Variants in LARS1 observed in about 807,000 individuals in gnomAD.
The protein encoded by LARS1 is leucyl-tRNA synthetase 1, also known as leucine--tRNA ligase, cytoplasmic.
In LARS1, 100 loss-of-function variants were observed where a neutral mutation model predicts 162.8. That is an observed-to-expected ratio of 0.61 (90% confidence interval 0.52 to 0.73). LARS1 has a LOEUF of 0.73. Ranked by LOEUF, LARS1 falls within the 30% of genes least tolerant of loss-of-function variation. The probability of loss-of-function intolerance (pLI) is 0.00; values close to 1 mark genes in which losing one functional copy is unlikely to be tolerated. For missense variants in LARS1, 1,258 were observed against 1,408.9 expected (o/e 0.89, Z 1.71); for synonymous variants, 457 against 462.8 (o/e 0.99, Z 0.16).
At chr5:146,122,724 T>C (rs1420770628) in intron 29 of LARS1, 137 bp from the exon 30 acceptor site, 1 of 434,184 alleles carries the variant, frequency 2.3e-6, no homozygotes, top group African/African-American at 2.0e-5. Context: ...TTATTTTCCA[T>C]ATAAATATTA....
At chr5:146,173,922 T>C (rs552854085) in intron 2 of LARS1, among the ~76,000 whole-genome samples, 30 of 152,114 alleles carry the variant, frequency 2.0e-4, no homozygotes, top group Non-Finnish European at 3.4e-4. Flanking sequence ...TATAGACTTC[T>C]GCAATTTGCC....
rs188224535 is a variant in LARS1 at position 146,168,158 on chromosome 5, T to A, written c.402A>T (p.Ile134=). The change falls in exon 5 of 32, where the codon ATA becomes ATT. Residue 134 remains isoleucine, a synonymous_variant. Transcript: ENST00000394434. ...TTCCTTTAGCTTTATCCTTAATTAT[T>A]ATATCTTCTGTTTTAACACTGGTTT... ...EEETSVKTED[I]IIKDKAKGKK... is the part of the protein sequence containing the mutation. 3 of 1,609,424 alleles carry A rather than the reference T, an allele frequency of 1.9e-6. No individual in the cohort carries two copies. Among genetic ancestry groups the A allele is most frequent in the African/African-American group, 2.7e-5 (2 of 74,906 alleles).
At chr5:146,171,660 A>G (rs756650225) in intron 4 of LARS1, among the ~76,000 whole-genome samples, 11 of 152,254 alleles carry the variant, frequency 7.2e-5, no homozygotes, top group South Asian at 2.1e-4. Context: ...ACTGTAATAC[A>G]GACATAAATA....
Position 146,130,050 on chromosome 5 carries a change from A to G in LARS1, c.2596T>C (p.Leu866=). ...TLLLAPFCPH[L]CEHIWTLLGK... Reference sequence around the variant, plus strand: ...AGGAGTGTCCAGATGTGCTCACACAAATGTGGACAGAATGGAGCGAGGAGA... The same window carrying G: ...AGGAGTGTCCAGATGTGCTCACACAGATGTGGACAGAATGGAGCGAGGAGA... Residue 866 remains leucine, a synonymous_variant, in exon 25 of 32, where the codon TTG becomes CTG. Transcript: ENST00000394434. The G allele has an allele frequency of 6.2e-7, 1 of 1,613,894 alleles. No individual in the cohort carries two copies. Among genetic ancestry groups the G allele is most frequent in the Non-Finnish European group, 8.5e-7 (1 of 1,179,854 alleles).
chr5:146,170,481 A>AG (rs1491558805), intron 4 of LARS1, among the ~76,000 whole-genome samples: 4 of 144,174 alleles, frequency 2.8e-5, no homozygotes, highest in Non-Finnish European at 6.2e-5. Flanking sequence ...AAAAAAAAAA[A>AG]GGGGGGAAAA....
In LARS1 at chr5:146,153,704, G is replaced by A. The variant is rs201945372; in HGVS notation, c.1230+30C>T. 2.4e-4 allele frequency: 374 copies of A among 1,577,302 alleles called. 2 individuals are homozygous for A. The highest frequency in any genetic ancestry group is 9.0e-5 in the East Asian group (4 of 44,578). On this transcript the variant is annotated intron_variant, in intron 12 of 31. Coordinates refer to ENST00000394434, the MANE Select transcript of LARS1 (RefSeq NM_020117.11). Reference sequence around the variant, plus strand: ...ACCTAAGCAATGAGATGGTGAGGACGAAATACAAACATGAAACTCAGATAC... The same window carrying A: ...ACCTAAGCAATGAGATGGTGAGGACAAAATACAAACATGAAACTCAGATAC...
At chr5:146,151,629 A>C (rs999152746) in intron 14 of LARS1, among the ~76,000 whole-genome samples, 2 of 152,158 alleles carry the variant, frequency 1.3e-5, no homozygotes, top group Admixed American at 6.5e-5. Flanking sequence ...CAAGAAATTC[A>C]CTCCATAGAG....
At chr5:146,127,623 T>C (rs1752099548) in intron 27 of LARS1, among the ~76,000 whole-genome samples, 1 of 152,140 alleles carries the variant, frequency 6.6e-6, no homozygotes, top group Admixed American at 6.6e-5. Flanking sequence ...GGTATGAATA[T>C]ATAATCCACT....
Position 146,124,062 on chromosome 5 carries a change from G to C in LARS1, c.3016C>G (p.Arg1006Gly), listed in dbSNP as rs528168499. The change falls in exon 29 of 32, where the codon CGT becomes GGT. Residue 1006 changes from arginine (R) to glycine (G), a missense_variant. Coordinates refer to ENST00000394434, the MANE Select transcript of LARS1 (RefSeq NM_020117.11). ...IKENLEKMGP[R>G]ILDLQLEFDE... ...AATTCTAATTGCAAATCCAGAATAC[G>C]AGGCCCCATCTTCTCCAGATTTTCC... The C allele has an allele frequency of 6.2e-7, 1 of 1,609,218 alleles. No individual in the cohort carries two copies. The highest frequency in any genetic ancestry group is 1.3e-5 in the African/African-American group (1 of 74,864).
chr5:146,179,448 C>G (rs1179128662), intron 1 of LARS1, among the ~76,000 whole-genome samples: 1 of 152,126 alleles, frequency 6.6e-6, no homozygotes, highest in Non-Finnish European at 1.5e-5. Flanking sequence ...AGGCATGAGC[C>G]ACCCAGCCCG....
chr5:146,157,390 C>T lies in LARS1; in HGVS notation c.1065+13G>A. On this transcript the variant is annotated intron_variant, in intron 10 of 31. Transcript: ENST00000394434. ...TTTACGCATTAAAATAAAAAATCTG[C>T]TATCCAACTTACCTCCCCCATTAAT... 6.2e-7 allele frequency: 1 copy of T among 1,604,746 alleles called. No homozygotes were observed.
At chr5:146,182,291 G>C in intron 1 of LARS1, 197 bp downstream of exon 1, 2 of 684,256 alleles carry the variant, frequency 2.9e-6, no homozygotes, top group Non-Finnish European at 5.2e-6. Context: ...TGATATCCAA[G>C]TACTCCGTAA....
intron 5 of LARS1, among the ~76,000 whole-genome samples, chr5:146,167,846 C>T (rs1293490667): frequency 6.2e-5 from 9 of 144,960 alleles, no homozygotes; most frequent in African/African-American, 1.0e-4. Flanking sequence ...GGCTTACGCC[C>T]GGCTAATTTT....
intron 1 of LARS1, among the ~76,000 whole-genome samples, chr5:146,181,790 A>G (rs1013909293): frequency 2.7e-5 from 4 of 147,292 alleles, no homozygotes; most frequent in Non-Finnish European, 5.9e-5. Context: ...ACCCACACAC[A>G]TAAACACTAT....
At chr5:146,125,230 C>T (rs1186776568) in intron 28 of LARS1, among the ~76,000 whole-genome samples, 1 of 152,014 alleles carries the variant, frequency 6.6e-6, no homozygotes, top group African/African-American at 2.4e-5. Flanking sequence ...CCAGCACTTA[C>T]ATTACAACTT....
chr5:146,152,373 C>T (rs753347345), intron 13 of LARS1, among the ~76,000 whole-genome samples: 1 of 152,164 alleles, frequency 6.6e-6, no homozygotes, highest in Non-Finnish European at 1.5e-5. Context: ...CAGTCCATGG[C>T]ATTAGGAACC....
chr5:146,143,380 A>AT, intron 19 of LARS1, 32 bp downstream of exon 19: 1 of 1,588,998 alleles, frequency 6.3e-7, no homozygotes, highest in Non-Finnish European at 8.6e-7. Context: ...TTACTGACAA[A>AT]TTATGCTCCT....
At chr5:146,175,484 G>A (rs549926896) in intron 2 of LARS1, among the ~76,000 whole-genome samples, 2 of 148,744 alleles carry the variant, frequency 1.3e-5, no homozygotes, top group South Asian at 4.3e-4. Context: ...AGAGGTTGCA[G>A]TGAGCCGAGA....
chr5:146,144,730 A>T, intron 15 of LARS1, 21 bp from the exon 16 acceptor site: 1 of 1,566,486 alleles, frequency 6.4e-7, no homozygotes, highest in South Asian at 1.1e-5. Context: ...GTAAATAAAC[A>T]TACATTAGAT....
Sources: allele counts gnomAD v4.1 joint callset (sites outside exome capture counted in the v4.1 genomes callset), GRCh38; gene constraint gnomAD v4.1.1; transcripts MANE v1.5; gene names NCBI Gene and HGNC (gene_info 2026-07-23, HGNC 2026-07-21).